Variants in KDM3B observed in about 807,000 individuals in gnomAD.
The protein encoded by KDM3B is lysine-specific demethylase 3B.
KDM3B carries 10 observed loss-of-function variants against 170.0 expected under a neutral mutation model. The ratio of observed to expected loss-of-function variants is 0.06; its 90% CI spans 0.04 to 0.10. KDM3B has a LOEUF of 0.10. Ranked by LOEUF, KDM3B falls within the 10% of genes least tolerant of loss-of-function variation. KDM3B has a pLI of 1.00. For missense variants in KDM3B, 1,394 were observed against 2,195.2 expected (o/e 0.64, Z 7.29); for synonymous variants, 831 against 834.8 (o/e 1.00, Z 0.08).
In KDM3B at chr5:138,379,581, T is replaced by C; in HGVS notation, c.581-3T>C. The stretch of plus-strand genomic sequence containing the variant: ...ACTCAATACTGACTGATCTCCCTTT[T>C]AGGTCCCTACAGTGTTCAAGGTCAC... On this transcript the variant is annotated splice_polypyrimidine_tract_variant and splice_region_variant and intron_variant, in intron 4 of 23. Coordinates refer to ENST00000314358, the MANE Select transcript of KDM3B (RefSeq NM_016604.4). 1.2e-6 allele frequency: 2 copies of C among 1,609,328 alleles called. No homozygotes were observed. The highest frequency in any genetic ancestry group is 1.7e-6 in the Non-Finnish European group (2 of 1,178,038).
At chr5:138,357,153 G>GT (rs1761471884) in intron 1 of KDM3B, among the ~76,000 whole-genome samples, 1 of 151,830 alleles carries the variant, frequency 6.6e-6, no homozygotes, top group Non-Finnish European at 1.5e-5. Context: ...GGCCTGGCTA[G>GT]TTTTTGTATT....
intron 1 of KDM3B, among the ~76,000 whole-genome samples, chr5:138,353,718 T>C (rs1343707493): frequency 6.6e-6 from 1 of 152,154 alleles, no homozygotes; most frequent in Non-Finnish European, 1.5e-5. Flanking sequence ...TCCCCCAACC[T>C]TGGGAGAGGT....
At position 138,435,711 on chromosome 5, in the gene KDM3B, A is replaced by G; in HGVS notation, c.*11A>G. On this transcript the variant is annotated 3_prime_UTR_variant, in exon 24 of 24. Coordinates refer to ENST00000314358, the MANE Select transcript of KDM3B (RefSeq NM_016604.4). ...CTGGCAAGGTCCTAGGCATGGAGAA[A>G]CTCCAAGCTCCTCTGTGAAGCAGGT... 1.9e-6 allele frequency: 3 copies of G among 1,602,274 alleles called. No homozygotes were observed. The highest frequency in any genetic ancestry group is 2.6e-6 in the Non-Finnish European group (3 of 1,170,604).
Position 138,427,288 on chromosome 5 carries a change from T to C in KDM3B, c.4602T>C (p.Pro1534=). 1 of 1,613,788 alleles carries C rather than the reference T, an allele frequency of 6.2e-7. No individual in the cohort carries two copies. The highest frequency in any genetic ancestry group is 1.3e-5 in the African/African-American group (1 of 75,040). The part of the protein sequence containing the change: ...ASRLPSYFVR[P]DLGPKMYNAY... The stretch of plus-strand genomic sequence containing the variant: ...GGCTACCTAGCTACTTTGTAAGGCC[T>C]GATCTGGGCCCCAAGATGTACAACG... Residue 1534 remains proline (P), a synonymous_variant, in exon 19 of 24, where the codon CCT becomes CCC. Coordinates refer to ENST00000314358, the MANE Select transcript of KDM3B (RefSeq NM_016604.4).
chr5:138,430,526 T>TG lies in KDM3B; in HGVS notation c.5070+102dup. ...AGAGATTTAAGTAGCTGGATTGGAC[T>TG]GATCTCTCTTATGCTGCAACTTATT... On this transcript the variant is annotated intron_variant, in intron 22 of 23. Coordinates refer to ENST00000314358, the MANE Select transcript of KDM3B (RefSeq NM_016604.4). The TG allele has an allele frequency of 2.9e-6, 3 of 1,035,580 alleles. No individual in the cohort carries two copies. In the East Asian group the frequency reaches 7.2e-5, roughly 25 times the overall value. The allele number at this position is 1,035,580 out of a possible 1,614,324, so 64.1% of individuals were successfully genotyped here. A position where few individuals can be genotyped will look rare whatever the true frequency, so the allele number is the denominator to read the frequency against.
In KDM3B at chr5:138,380,446, T is replaced by TA. The variant is rs543265085; in HGVS notation, c.705+739dup. Among the ~76,000 whole-genome samples the TA allele has an allele frequency of 2.9e-3, 435 of 151,618 alleles. 3 individuals carry two copies. The highest frequency in any genetic ancestry group is 0.01 in the African/African-American group (416 of 41,442). On this transcript the variant is annotated intron_variant, in intron 5 of 23. Transcript: ENST00000314358. ...ATATAGTTATATAATTTACCTTTTT[T>TA]ACTTAATTGTATATAGTGAGCATTT...
chr5:138,383,546 AAGTTTTAT>A (rs759837770), intron 6 of KDM3B, among the ~76,000 whole-genome samples: 2 of 152,206 alleles, frequency 1.3e-5, no homozygotes, highest in Non-Finnish European at 2.9e-5. Context: ...TAGTTCTGCC[AAGTTTTAT>A]AGTAACCCTT....
At position 138,381,604 on chromosome 5, in the gene KDM3B, C is replaced by A; in HGVS notation, c.780+14C>A. The A allele has an allele frequency of 6.7e-7, 1 of 1,502,284 alleles. No individual in the cohort carries two copies. The highest frequency in any genetic ancestry group is 9.3e-7 in the Non-Finnish European group (1 of 1,077,670). The allele number at this position is 1,502,284 out of a possible 1,614,324, so 93.1% of individuals were successfully genotyped here. A position where few individuals can be genotyped will look rare whatever the true frequency, so the allele number is the denominator to read the frequency against. ...CCTCAAAGCGAGGTACAGTAATGGA[C>A]TGCATTCCTGAGCAGACTCATGAGC... On this transcript the variant is annotated intron_variant, in intron 6 of 23. Transcript: ENST00000314358.
chr5:138,434,711 C>T (rs1763630843), intron 23 of KDM3B, among the ~76,000 whole-genome samples: 1 of 152,116 alleles, frequency 6.6e-6, no homozygotes, highest in Admixed American at 6.5e-5. Flanking sequence ...TAATCTGTTA[C>T]TTAACCCTAC....
At chr5:138,411,901 C>T (rs1023714290) in intron 11 of KDM3B, among the ~76,000 whole-genome samples, 1 of 150,664 alleles carries the variant, frequency 6.6e-6, no homozygotes, top group Non-Finnish European at 1.5e-5. Flanking sequence ...AGGATTTCAC[C>T]ATTTCACCAT....
At chr5:138,426,302 C>T (rs1332214620) in intron 17 of KDM3B, among the ~76,000 whole-genome samples, 4 of 152,126 alleles carry the variant, frequency 2.6e-5, no homozygotes, top group Non-Finnish European at 5.9e-5. Flanking sequence ...GGGCCAGGCA[C>T]GGTGGCTCAC....
rs1201443902 is a variant in KDM3B, at chr5:138,386,479, T to C, written c.1238T>C (p.Val413Ala). The C allele has an allele frequency of 6.2e-7, 1 of 1,614,152 alleles. No individual in the cohort carries two copies. Among genetic ancestry groups the C allele is most frequent in the East Asian group, 2.2e-5 (1 of 44,884 alleles). Reference protein sequence around the residue: ...NKEAGKTLEQVGQGIVASAAV... With the variant: ...NKEAGKTLEQAGQGIVASAAV... ...GAGGCAGGAAAAACACTGGAACAAG[T>C]TGGCCAGGGCATAGTGGCTTCCGCA... is the stretch of plus-strand genomic sequence containing the variant. Residue 413 changes from valine to alanine, a missense_variant, in exon 7 of 24, where the codon GTT becomes GCT. Val to Ala is a moderately conservative substitution (Grantham distance 64). Coordinates refer to ENST00000314358, the MANE Select transcript of KDM3B (RefSeq NM_016604.4).
rs748874264 is a variant in KDM3B at position 138,418,993 on chromosome 5, C to T, written c.3476C>T (p.Thr1159Ile). The part of the protein sequence containing the change: ...INPSASSGNE[T>I]TFSGGGGPAP... The stretch of plus-strand genomic sequence containing the variant: ...CCTAGTGCCTCTTCTGGAAACGAAA[C>T]TACCTTCTCTGGTGGAGGAGGACCG... The change falls in exon 14 of 24, where the codon ACT becomes ATT. Residue 1159 changes from threonine to isoleucine, a missense_variant. Coordinates refer to ENST00000314358, the MANE Select transcript of KDM3B (RefSeq NM_016604.4). 2 of 1,614,194 alleles carry T rather than the reference C, an allele frequency of 1.2e-6. No individual in the cohort carries two copies. The highest frequency in any genetic ancestry group is 1.7e-6 in the Non-Finnish European group (2 of 1,180,042).
At chr5:138,406,593 G>A (rs761974792) in intron 11 of KDM3B, among the ~76,000 whole-genome samples, 11 of 152,096 alleles carry the variant, frequency 7.2e-5, no homozygotes, top group Non-Finnish European at 1.0e-4. Flanking sequence ...AGCTGAGGTC[G>A]CGACATTGCA....
chr5:138,358,964 C>CT (rs1580872534), intron 1 of KDM3B, among the ~76,000 whole-genome samples: 1 of 138,322 alleles, frequency 7.2e-6, no homozygotes, highest in East Asian at 2.3e-4. Flanking sequence ...CCACAACAGT[C>CT]TTCAGAGTGT....
chr5:138,364,159 C>T (rs919468732), intron 1 of KDM3B, among the ~76,000 whole-genome samples: 1 of 152,062 alleles, frequency 6.6e-6, no homozygotes, highest in Non-Finnish European at 1.5e-5. Context: ...CATAAGTGAT[C>T]TGCCTGCCTC....
chr5:138,371,917 TC>T (rs948417592), intron 1 of KDM3B, among the ~76,000 whole-genome samples: 1 of 152,162 alleles, frequency 6.6e-6, no homozygotes, highest in Non-Finnish European at 1.5e-5. Context: ...GTTCAGGAGT[TC>T]AAGGCCAGCC....
intron 7 of KDM3B, 69 bp downstream of exon 7, chr5:138,386,690 T>G: frequency 6.5e-7 from 1 of 1,535,452 alleles, no homozygotes; most frequent in Non-Finnish European, 8.8e-7. Flanking sequence ...TTGCTAACAT[T>G]AAAAAACATT....
At chr5:138,401,974 G>A (rs998592267) in intron 11 of KDM3B, among the ~76,000 whole-genome samples, 7 of 151,728 alleles carry the variant, frequency 4.6e-5, no homozygotes, top group South Asian at 4.2e-4. Context: ...TGTCACTCAG[G>A]CTGGAGTGCA....
Sources: gnomAD v4.1 joint callset for allele counts (sites outside exome capture counted in the v4.1 genomes callset) on GRCh38, gnomAD v4.1.1 for gene constraint, MANE v1.5 for transcripts, NCBI Gene and HGNC (gene_info 2026-07-23, HGNC 2026-07-21) for gene names.